The following SPEN variants were observed in gnomAD, a reference collection of about 807,000 sequenced individuals.
The protein encoded by SPEN is spen family transcriptional repressor.
SPEN carries 18 observed loss-of-function variants against 269.9 expected under a neutral mutation model. The ratio of observed to expected loss-of-function variants is 0.07; its 90% CI spans 0.05 to 0.10. The LOEUF (loss-of-function observed/expected upper bound fraction) is 0.10, where lower values mean the gene tolerates loss of function less well. Among genes scored for constraint, SPEN ranks in the 10% least tolerant of loss-of-function variants. SPEN has a pLI of 1.00. For synonymous variants in SPEN, 1,726 were observed against 1,765.7 expected (o/e 0.98, Z 0.56); for missense variants, 3,822 against 4,631.2 (o/e 0.83, Z 5.07).
intron 3 of SPEN, among the ~76,000 whole-genome samples, chr1:15,877,094 T>G (rs1184233104): frequency 6.6e-6 from 1 of 152,200 alleles, no homozygotes; most frequent in Non-Finnish European, 1.5e-5. Context: ...TGAAATATAA[T>G]ATTGTTGACA....
At chr1:15,879,608 T>C (rs1173007505) in intron 3 of SPEN, among the ~76,000 whole-genome samples, 2 of 152,088 alleles carry the variant, frequency 1.3e-5, no homozygotes, top group African/African-American at 4.8e-5. Context: ...GGTAGCTAGA[T>C]GTATTCATTT....
chr1:15,936,698 A>G (rs1051024880), intron 11 of SPEN, among the ~76,000 whole-genome samples: 1 of 151,720 alleles, frequency 6.6e-6, no homozygotes, highest in Non-Finnish European at 1.5e-5. Context: ...ACACTTTGGG[A>G]GGCCAGGGCT....
At position 15,939,543 on chromosome 1, in the gene SPEN, C is replaced by G; in HGVS notation, c.*116C>G. ...GAAGGGGACAGACTCCACTGCCAGA[C>G]GGCCAGCCGTTTGCTGTCCTGCCGC... On this transcript the variant is annotated 3_prime_UTR_variant, in exon 15 of 15. Coordinates refer to ENST00000375759, the MANE Select transcript of SPEN (RefSeq NM_015001.3). The surrounding 1 kb of genome is among the most constrained non-coding windows in gnomAD (Gnocchi z 4.1). 1.5e-6 allele frequency: 2 copies of G among 1,313,972 alleles called. No homozygotes were observed. The highest frequency in any genetic ancestry group is 2.0e-6 in the Non-Finnish European group (2 of 989,876). The allele number at this position is 1,313,972 out of a possible 1,614,324, so 81.4% of individuals were successfully genotyped here. A position where few individuals can be genotyped will look rare whatever the true frequency, so the allele number is the denominator to read the frequency against.
At chr1:15,899,021 C>T (rs188160567) in intron 3 of SPEN, among the ~76,000 whole-genome samples, 2 of 152,022 alleles carry the variant, frequency 1.3e-5, no homozygotes, top group African/African-American at 4.8e-5. Flanking sequence ...GTTGAGTTCC[C>T]GTCTTCATTT....
rs2071222488 is a variant in SPEN at position 15,931,705 on chromosome 1, A to G, written c.5465A>G (p.Lys1822Arg). 6.2e-7 allele frequency: 1 copy of G among 1,614,060 alleles called. No individual in the cohort carries two copies. The highest frequency in any genetic ancestry group is 1.3e-5 in the African/African-American group (1 of 74,918). The change falls in exon 11 of 15, where the codon AAG becomes AGG. Residue 1822 changes from lysine to arginine, a missense_variant. By Grantham distance (26) the Lys-to-Arg change is conservative. Transcript: ENST00000375759. The surrounding 1 kb of genome is among the most constrained non-coding windows in gnomAD (Gnocchi z 4.8). ...AAKDKKPNKS[K>R]RSKTPVQAAA... The stretch of plus-strand genomic sequence containing the variant: ...AAGGATAAAAAGCCAAACAAAAGCA[A>G]GCGTTCAAAGACCCCTGTTCAGGCA...
intron 5 of SPEN, among the ~76,000 whole-genome samples, chr1:15,912,488 T>C (rs2071021043): frequency 6.6e-6 from 1 of 152,184 alleles, no homozygotes; most frequent in Non-Finnish European, 1.5e-5. Context: ...ATTCTTGTAA[T>C]ATTCATTTAT....
At chr1:15,936,740 C>T (rs931366510) in intron 11 of SPEN, among the ~76,000 whole-genome samples, 2 of 152,094 alleles carry the variant, frequency 1.3e-5, no homozygotes, top group Non-Finnish European at 2.9e-5. Flanking sequence ...AGTTCAAGAC[C>T]AGCTTGGCCA....
chr1:15,878,745 C>T (rs2070656917), intron 3 of SPEN, among the ~76,000 whole-genome samples: 1 of 152,168 alleles, frequency 6.6e-6, no homozygotes, highest in Non-Finnish European at 1.5e-5. Flanking sequence ...GTGGCTCACT[C>T]ACGCCTGTAA....
chr1:15,932,340 G>C lies in SPEN; in HGVS notation c.6100G>C (p.Glu2034Gln). 2 of 1,613,850 alleles carry C rather than the reference G, an allele frequency of 1.2e-6. No homozygotes were observed. The highest frequency in any genetic ancestry group is 1.7e-6 in the Non-Finnish European group (2 of 1,179,956). The change falls in exon 11 of 15, where the codon GAG becomes CAG. Residue 2034 changes from glutamate (E) to glutamine (Q), a missense_variant. Coordinates refer to ENST00000375759, the MANE Select transcript of SPEN (RefSeq NM_015001.3). This position sits in a 1 kb window ranked among gnomAD's most constrained non-coding sequence, Gnocchi z 4.2. Reference sequence around the variant, plus strand: ...GAGCTCCATGGAACCCAAGGCTGCTGAGGAGGAGGCAGGGAGTGAACAGAA... The same window carrying C: ...GAGCTCCATGGAACCCAAGGCTGCTCAGGAGGAGGCAGGGAGTGAACAGAA... ...KESSMEPKAA[E>Q]EEAGSEQKRD...
chr1:15,872,055 C>T (rs2070582296), intron 1 of SPEN, among the ~76,000 whole-genome samples: 2 of 150,664 alleles, frequency 1.3e-5, no homozygotes, highest in African/African-American at 2.4e-5. Context: ...GGCAACATGG[C>T]GAAACCCCAT....
intron 1 of SPEN, among the ~76,000 whole-genome samples, chr1:15,856,285 C>T (rs1307609180): frequency 2.6e-5 from 4 of 151,780 alleles, no homozygotes; most frequent in Non-Finnish European, 2.9e-5. Context: ...CCACCGTGCC[C>T]GGCCAGATGT....
chr1:15,874,002 G>T, intron 2 of SPEN: 1 of 1,207,578 alleles, frequency 8.3e-7, no homozygotes. Flanking sequence ...GGGCTGGATG[G>T]CTACAAAAGT....
intron 8 of SPEN, among the ~76,000 whole-genome samples, chr1:15,920,366 A>G (rs1052358259): frequency 3.3e-5 from 5 of 152,174 alleles, no homozygotes; most frequent in African/African-American, 9.6e-5. Context: ...CTGGCAGACA[A>G]TACTTTAAAT....
In SPEN at chr1:15,929,838, G is replaced by A; in HGVS notation, c.3598G>A (p.Asp1200Asn). The A allele has an allele frequency of 6.2e-7, 1 of 1,614,180 alleles. No homozygotes were observed. The highest frequency in any genetic ancestry group is 8.5e-7 in the Non-Finnish European group (1 of 1,180,034). Residue 1200 changes from aspartate to asparagine, a missense_variant, in exon 11 of 15, where the codon GAT becomes AAT. Transcript: ENST00000375759. The surrounding 1 kb of genome is among the most constrained non-coding windows in gnomAD (Gnocchi z 5.8). The part of the protein sequence containing the change: ...EKFGSPKKDV[D>N]EYERRSLVHE... ...GTTTGGCAGTCCTAAAAAAGATGTA[G>A]ATGAATATGAAAGACGTAGCCTCGT...
chr1:15,935,956 C>A lies in SPEN; in HGVS notation c.9716C>A (p.Ala3239Asp). ...PGKEAAKTPD[A>D]KAAPTPTPAP... ...AAGGAAGCTGCCAAGACACCAGATGCCAAAGCTGCCCCCACCCCCACCCCT... is the reference window on the plus strand; with the variant it reads ...AAGGAAGCTGCCAAGACACCAGATGACAAAGCTGCCCCCACCCCCACCCCT... The change falls in exon 11 of 15, where the codon GCC (alanine) becomes GAC (aspartate). Residue 3239 changes from alanine to aspartate, a missense_variant. Ala to Asp is a moderately radical substitution (Grantham distance 126). This residue lies in a region of SPEN where 359 missense variants were observed against 377.3 expected (regional missense o/e 0.95). Coordinates refer to ENST00000375759, the MANE Select transcript of SPEN (RefSeq NM_015001.3). The surrounding 1 kb of genome is among the most constrained non-coding windows in gnomAD (Gnocchi z 7.7). 6.3e-7 allele frequency: 1 copy of A among 1,597,058 alleles called. No homozygotes were observed. Among genetic ancestry groups the A allele is most frequent in the South Asian group, 1.1e-5 (1 of 89,126 alleles).
chr1:15,855,066 G>T (rs1352376591), intron 1 of SPEN, among the ~76,000 whole-genome samples: 1 of 152,124 alleles, frequency 6.6e-6, no homozygotes, highest in Non-Finnish European at 1.5e-5. Flanking sequence ...CATATTTAAA[G>T]ATTTGTATTA....
Position 15,912,117 on chromosome 1 carries a change from G to A in SPEN, c.1243+816G>A, listed in dbSNP as rs140273513. On this transcript the variant is annotated intron_variant, in intron 5 of 14. Coordinates refer to ENST00000375759, the MANE Select transcript of SPEN (RefSeq NM_015001.3). Reference sequence around the variant, plus strand: ...AGAGTAACAGGAATAAGCCTTATGGGTGCAACCCACTGAGAATTTCCAGGG... The same window carrying A: ...AGAGTAACAGGAATAAGCCTTATGGATGCAACCCACTGAGAATTTCCAGGG... Among the ~76,000 whole-genome samples, 49 of 152,288 alleles carry A rather than the reference G, an allele frequency of 3.2e-4. No individual in the cohort carries two copies. In the South Asian group the frequency reaches 3.7e-3, roughly 12 times the overall value.
In SPEN at chr1:15,919,483, CACG is replaced by C. The variant is rs1341782791; in HGVS notation, c.1604_1606del (p.Arg535del). The C allele has an allele frequency of 6.2e-7, 1 of 1,606,156 alleles. No homozygotes were observed. The stretch of plus-strand genomic sequence containing the variant: ...TCGAATGTGTCAGATCAGTATTTAA[CACG>C]ACATTTCTGCCGATATGGGCCTGTG... On this transcript the variant is annotated inframe_deletion, in exon 8 of 15. Transcript: ENST00000375759.
intron 3 of SPEN, among the ~76,000 whole-genome samples, chr1:15,885,447 C>T (rs113622642): frequency 0.035 from 5,302 of 152,184 alleles, 300 homozygotes; most frequent in African/African-American, 0.12. Flanking sequence ...AGGAAGTGTA[C>T]GTGGAGTTTC....
Sources: gnomAD v4.1 joint callset for allele counts (sites outside exome capture counted in the v4.1 genomes callset) on GRCh38, gnomAD v4.1.1 for gene constraint, gnomAD v4.1.1 regional missense constraint, Gnocchi (gnomAD v3.1) non-coding constraint, MANE v1.5 for transcripts, NCBI Gene and HGNC (gene_info 2026-07-23, HGNC 2026-07-21) for gene names.